Variants in PKD1L1 observed in about 807,000 individuals in gnomAD.
PKD1L1 encodes the protein polycystin-1-like protein 1.
A neutral mutation model predicts 323.4 loss-of-function variants in PKD1L1; 236 were observed. The ratio of observed to expected loss-of-function variants is 0.73; its 90% confidence interval spans 0.66 to 0.81. PKD1L1 has a LOEUF of 0.81. Among genes scored for constraint, PKD1L1 ranks in the 40% least tolerant of loss-of-function variants. PKD1L1 has a pLI of 0.00. For missense variants in PKD1L1, 3,320 were observed against 3,508.0 expected (o/e 0.95, Z 1.35); for synonymous variants, 1,344 against 1,335.0 (o/e 1.01, Z -0.15).
At chr7:47,800,198 G>C (rs1002424000) in intron 54 of PKD1L1, among the ~76,000 whole-genome samples, 5 of 152,172 alleles carry the variant, frequency 3.3e-5, no homozygotes, top group Admixed American at 6.5e-5. Context: ...TCAGTAGGAG[G>C]GCGTGAAACA....
intron 31 of PKD1L1, 62 bp downstream of exon 31, chr7:47,853,065 G>T: frequency 9.0e-7 from 1 of 1,112,556 alleles, no homozygotes; most frequent in Non-Finnish European, 1.4e-6. Context: ...ACATACAAAG[G>T]TTATAGGGGA....
chr7:47,815,216 C>A, intron 47 of PKD1L1, 118 bp downstream of exon 47: 1 of 1,362,526 alleles, frequency 7.3e-7, no homozygotes, highest in Admixed American at 2.3e-5. Flanking sequence ...CGGCCTTACA[C>A]CTGCATGGTC....
intron 56 of PKD1L1, among the ~76,000 whole-genome samples, chr7:47,776,788 G>A (rs961979320): frequency 6.6e-6 from 1 of 152,212 alleles, no homozygotes; most frequent in African/African-American, 2.4e-5. Context: ...AAAGGTACAG[G>A]AGCAAAGACA....
At chr7:47,932,539 G>A (rs1787792693) in intron 4 of PKD1L1, among the ~76,000 whole-genome samples, 1 of 152,228 alleles carries the variant, frequency 6.6e-6, no homozygotes, top group Non-Finnish European at 1.5e-5. Context: ...CCGTGCCTCT[G>A]GCCAGCAGGG....
At position 47,905,850 on chromosome 7, in the gene PKD1L1, C is replaced by CT. The variant is rs1313658752; in HGVS notation, c.1514dup (p.Met506AspfsTer34). ...ATTAAAACAAAGACATACATTGCAT[C>CT]TTATACCAGACAGTCATGCTGTGCC... On this transcript the variant is annotated frameshift_variant, in exon 10 of 57. Transcript: ENST00000289672. LOFTEE classifies it high-confidence loss of function. 2 of 1,612,562 alleles carry CT rather than the reference C, an allele frequency of 1.2e-6. No homozygotes were observed. Among genetic ancestry groups the CT allele is most frequent in the African/African-American group, 2.7e-5 (2 of 74,786 alleles).
rs374620503 is a variant in PKD1L1, at chr7:47,833,613, G to A, written c.6175-361C>T. On this transcript the variant is annotated intron_variant, in intron 40 of 56. Transcript: ENST00000289672. ...CCAAGTGGGGAGGGCGCAGAGCTCC[G>A]GCATGGTGTTTGGGGTATGGGGGGC... Among the ~76,000 whole-genome samples, 5 of 152,266 alleles carry A rather than the reference G, an allele frequency of 3.3e-5. No individual in the cohort carries two copies. The South Asian group carries it at 6.2e-4, about 19-fold the overall frequency.
At chr7:47,943,601 A>G in intron 1 of PKD1L1, 90 bp from the exon 2 acceptor site, 2 of 1,009,724 alleles carry the variant, frequency 2.0e-6, no homozygotes, top group Non-Finnish European at 3.0e-6. Flanking sequence ...ATCCATATCC[A>G]TATTTCTGCC....
At position 47,866,448 on chromosome 7, in the gene PKD1L1, A is replaced by C. The variant is rs1478506741; in HGVS notation, c.4063T>G (p.Ser1355Ala). The C allele has an allele frequency of 6.2e-7, 1 of 1,613,716 alleles. No individual in the cohort carries two copies. Among genetic ancestry groups the C allele is most frequent in the African/African-American group, 1.3e-5 (1 of 75,036 alleles). Residue 1355 changes from serine (S) to alanine (A), a missense_variant, in exon 25 of 57, where the codon TCA (serine) becomes GCA (alanine). Coordinates refer to ENST00000289672, the MANE Select transcript of PKD1L1 (RefSeq NM_138295.5). The stretch of plus-strand genomic sequence containing the variant: ...TCTACAAAAGCCAATCTGCATACTG[A>C]AGAAATTAATGCATCCTGTATTCGT... The part of the protein sequence containing the change: ...WSRIQDALIS[S>A]VCRLAFVDQE...
intron 21 of PKD1L1, among the ~76,000 whole-genome samples, chr7:47,880,278 A>ATTTTTTT (rs1562970489): frequency 4.1e-5 from 3 of 73,628 alleles, no homozygotes; most frequent in African/African-American, 2.2e-4. Context: ...ATATATATAT[A>ATTTTTTT]TATATATTTT....
chr7:47,843,968 G>C (rs970377679), intron 33 of PKD1L1, among the ~76,000 whole-genome samples: 5 of 152,110 alleles, frequency 3.3e-5, no homozygotes, highest in African/African-American at 1.2e-4. Context: ...CCTGTTCAGA[G>C]CTCTGCCCCA....
intron 30 of PKD1L1, among the ~76,000 whole-genome samples, chr7:47,853,919 T>C (rs1785841843): frequency 6.6e-6 from 1 of 152,222 alleles, no homozygotes; most frequent in African/African-American, 2.4e-5. Context: ...TATGTTTGCA[T>C]GTTTGTGTTA....
At chr7:47,869,023 C>T (rs1786226692) in intron 24 of PKD1L1, among the ~76,000 whole-genome samples, 1 of 152,128 alleles carries the variant, frequency 6.6e-6, no homozygotes, top group South Asian at 2.1e-4. Context: ...AAATTTTCTA[C>T]ATCTTGCTGA....
chr7:47,855,811 G>A (rs1457506492), intron 28 of PKD1L1, among the ~76,000 whole-genome samples: 1 of 86,196 alleles, frequency 1.2e-5, no homozygotes, highest in Non-Finnish European at 2.2e-5. Context: ...GGGAGGCGGA[G>A]CTTGCAGTGA....
At chr7:47,907,999 C>G in intron 9 of PKD1L1, 78 bp downstream of exon 9, 2 of 1,383,422 alleles carry the variant, frequency 1.4e-6, no homozygotes, top group Non-Finnish European at 1.9e-6. Context: ...ATAACTTGAA[C>G]AGTATAAGTA....
chr7:47,831,171 T>C, intron 42 of PKD1L1, 46 bp downstream of exon 42: 1 of 1,580,618 alleles, frequency 6.3e-7, no homozygotes, highest in South Asian at 1.1e-5. Context: ...AATGCGAGAC[T>C]TTCCATCTGA....
In PKD1L1 at chr7:47,866,526, T is replaced by G; in HGVS notation, c.3985A>C (p.Ile1329Leu). 6.2e-7 allele frequency: 1 copy of G among 1,614,076 alleles called. No homozygotes were observed. Among genetic ancestry groups the G allele is most frequent in the Non-Finnish European group, 8.5e-7 (1 of 1,179,962 alleles). ...TCCTCCTTAGACAAACGACTCAGGA[T>G]TCTGGTGATCACAGTGATGTAGTTC... ...IRNYITVITR[I>L]LSRLSKEDKT... Residue 1329 changes from isoleucine (I) to leucine (L), a missense_variant, in exon 25 of 57, where the codon ATC (isoleucine) becomes CTC (leucine). Physicochemically the swap from Ile to Leu is conservative, Grantham distance 5 (BLOSUM62 2). Coordinates refer to ENST00000289672, the MANE Select transcript of PKD1L1 (RefSeq NM_138295.5).
rs890168451 is a variant in PKD1L1, at chr7:47,881,963, C to T, written c.3388G>A (p.Asp1130Asn). 7.4e-6 allele frequency: 12 copies of T among 1,613,742 alleles called. No individual in the cohort carries two copies. Among genetic ancestry groups the T allele is most frequent in the African/African-American group, 1.3e-5 (1 of 75,008 alleles). The part of the protein sequence containing the change: ...AGRAEPVLMI[D>N]WPKALLGRAV... ...CGACCCAGCAGGGCCTTGGGCCAGT[C>T]AATCATGAGGACAGGCTCGGCTCTG... Residue 1130 changes from aspartate to asparagine, a missense_variant, in exon 20 of 57, where the codon GAC becomes AAC. By Grantham distance (23) the Asp-to-Asn change is conservative. Transcript: ENST00000289672.
intron 13 of PKD1L1, among the ~76,000 whole-genome samples, 162 bp downstream of exon 13, chr7:47,902,217 G>C (rs973625352): frequency 6.6e-6 from 1 of 152,086 alleles, no homozygotes; most frequent in African/African-American, 2.4e-5. Flanking sequence ...CAGGTCACCC[G>C]CTCTGAAGCC....
intron 53 of PKD1L1, among the ~76,000 whole-genome samples, chr7:47,802,765 C>T (rs1584953028): frequency 6.6e-6 from 1 of 152,232 alleles, no homozygotes; most frequent in African/African-American, 2.4e-5. Context: ...GACTTCAGGG[C>T]TAGCCCTGGA....
Sources: gnomAD v4.1 joint callset for allele counts (sites outside exome capture counted in the v4.1 genomes callset) on GRCh38, gnomAD v4.1.1 for gene constraint, MANE v1.5 for transcripts, NCBI Gene and HGNC (gene_info 2026-07-23, HGNC 2026-07-21) for gene names.